Variants in COBL observed in about 807,000 individuals in gnomAD.
COBL encodes protein cordon-bleu.
COBL carries 51 observed loss-of-function variants against 98.8 expected under a neutral mutation model. That is an observed-to-expected ratio of 0.52 (90% CI 0.41 to 0.65). The LOEUF (loss-of-function observed/expected upper bound fraction) is 0.65, where lower values mean the gene tolerates loss of function less well. Among genes scored for constraint, COBL ranks in the 30% least tolerant of loss-of-function variants. The pLI, the probability that COBL is intolerant of heterozygous loss-of-function variation, is 0.00. For synonymous variants in COBL, 634 were observed against 651.7 expected, an observed-to-expected ratio of 0.97 and a Z score of 0.41; for missense variants, 1,617 against 1,617.5, an observed-to-expected ratio of 1.00 and a Z score of 0.01.
intron 4 of COBL, among the ~76,000 whole-genome samples, chr7:51,187,431 A>G (rs1789653525): frequency 6.6e-6 from 1 of 152,006 alleles, no homozygotes; most frequent in South Asian, 2.1e-4. Flanking sequence ...ACTTAAATAG[A>G]TGTTGGAATA....
At chr7:51,081,347 A>G (rs1246507337) in intron 7 of COBL, among the ~76,000 whole-genome samples, 1 of 152,188 alleles carries the variant, frequency 6.6e-6, no homozygotes, top group East Asian at 1.9e-4. Context: ...ACTGGTATGG[A>G]GTTGGCAAGA....
intron 6 of COBL, among the ~76,000 whole-genome samples, chr7:51,113,103 G>T (rs1796981433): frequency 1.3e-5 from 2 of 152,184 alleles, no homozygotes; most frequent in Admixed American, 6.5e-5. Flanking sequence ...GAGAGGTACT[G>T]GTCCCACACA....
At chr7:51,019,110 T>C (rs2128857242) in intron 12 of COBL, among the ~76,000 whole-genome samples, 1 of 151,366 alleles carries the variant, frequency 6.6e-6, no homozygotes, top group Non-Finnish European at 1.5e-5. Flanking sequence ...TAGCCAGATG[T>C]TTCCTGAGGG....
intron 1 of COBL, among the ~76,000 whole-genome samples, chr7:51,286,384 A>G (rs2129182261): frequency 6.6e-6 from 1 of 151,962 alleles, no homozygotes; most frequent in South Asian, 2.1e-4. Flanking sequence ...TCCACATTAT[A>G]TAAAGAAACT....
At chr7:51,048,644 T>A (rs543201804) in intron 7 of COBL, among the ~76,000 whole-genome samples, 77 of 152,246 alleles carry the variant, frequency 5.1e-4, no homozygotes, top group African/African-American at 1.5e-3. Context: ...TTTTTTTTTT[T>A]ATTCATCAAG....
At chr7:51,213,873 T>C (rs1379293670) in intron 2 of COBL, among the ~76,000 whole-genome samples, 1 of 152,068 alleles carries the variant, frequency 6.6e-6, no homozygotes, top group Non-Finnish European at 1.5e-5. Flanking sequence ...TACCAGTCTG[T>C]GAGGGCTCTC....
intron 1 of COBL, among the ~76,000 whole-genome samples, chr7:51,273,345 A>G (rs1224689950): frequency 6.6e-6 from 1 of 151,262 alleles, no homozygotes; most frequent in East Asian, 1.9e-4. Flanking sequence ...AAAAAAAAAA[A>G]AGAAAAAGAA....
At chr7:51,184,244 G>T in intron 4 of COBL, 45 bp from the exon 5 acceptor site, 1 of 1,080,552 alleles carries the variant, frequency 9.3e-7, no homozygotes, top group Non-Finnish European at 1.3e-6. Context: ...TCTGAAACAA[G>T]AGATTCAATA....
chr7:51,146,064 A>G (rs943109031), intron 5 of COBL, among the ~76,000 whole-genome samples: 1 of 152,136 alleles, frequency 6.6e-6, no homozygotes, highest in African/African-American at 2.4e-5. Flanking sequence ...TCAGCCATCA[A>G]TATTTTTACT....
At chr7:51,184,231 G>T in intron 4 of COBL, 32 bp from the exon 5 acceptor site, 1 of 1,255,462 alleles carries the variant, frequency 8.0e-7, no homozygotes, top group Non-Finnish European at 1.1e-6. Flanking sequence ...TTATTTTTCA[G>T]CATCTGAAAC....
chr7:51,278,583 T>C (rs141251594), intron 1 of COBL, among the ~76,000 whole-genome samples: 2,217 of 152,012 alleles, frequency 0.015, 40 homozygotes, highest in African/African-American at 0.05. Flanking sequence ...TTTCACCATG[T>C]TGGCCAGGCT....
At chr7:51,051,319 A>AT (rs1263838793) in intron 7 of COBL, among the ~76,000 whole-genome samples, 1 of 152,214 alleles carries the variant, frequency 6.6e-6, no homozygotes, top group African/African-American at 2.4e-5. Context: ...TGGATTTTTA[A>AT]AATTTTTACC....
chr7:51,233,598 T>C (rs1021638302), intron 1 of COBL, among the ~76,000 whole-genome samples: 143 of 152,312 alleles, frequency 9.4e-4, no homozygotes, highest in African/African-American at 3.3e-3. Context: ...CATTTCTATG[T>C]ACTTTTGTCA....
chr7:51,215,215 GA>G (rs780096343), intron 2 of COBL, among the ~76,000 whole-genome samples: 4 of 152,180 alleles, frequency 2.6e-5, no homozygotes, highest in Non-Finnish European at 5.9e-5. Context: ...CGTTTAGGAA[GA>G]ATGTGTCCAC....
At chr7:51,238,306 A>G (rs1042682053) in intron 1 of COBL, among the ~76,000 whole-genome samples, 1 of 152,208 alleles carries the variant, frequency 6.6e-6, no homozygotes, top group Admixed American at 6.5e-5. Context: ...AAGGATGGCT[A>G]GGCCACTCCG....
At chr7:51,049,781 G>T (rs963894723) in intron 7 of COBL, among the ~76,000 whole-genome samples, 15 of 152,212 alleles carry the variant, frequency 9.9e-5, no homozygotes, top group Non-Finnish European at 1.5e-4. Context: ...AATCCCTAGT[G>T]TCTGTGTGCA....
At chr7:51,018,001 T>A (rs1786452806) in intron 12 of COBL, among the ~76,000 whole-genome samples, 1 of 152,344 alleles carries the variant, frequency 6.6e-6, no homozygotes, top group East Asian at 1.9e-4. Context: ...ATTGGAGACA[T>A]ACCCATAATA....
At chr7:51,216,329 C>T (rs2129083648) in intron 2 of COBL, among the ~76,000 whole-genome samples, 1 of 152,280 alleles carries the variant, frequency 6.6e-6, no homozygotes, top group Non-Finnish European at 1.5e-5. Context: ...TACAGGGAAG[C>T]ACCACCACAC....
rs540863979 is a variant in COBL at position 51,076,490 on chromosome 7, G to A, written c.1096+8676C>T. ...CTGTGCCACAAGTATTTCTAGATTC[G>A]CAATTCGCAGTTCCTCTGCTCGATC... On this transcript the variant is annotated intron_variant, in intron 7 of 12. Coordinates refer to ENST00000265136, the MANE Select transcript of COBL (RefSeq NM_015198.5). Among the ~76,000 whole-genome samples the A allele has an allele frequency of 6.7e-4, 102 of 152,236 alleles. No homozygotes were observed. The South Asian group carries it at 0.02, about 30-fold the overall frequency.
Sources: allele counts gnomAD v4.1 joint callset (sites outside exome capture counted in the v4.1 genomes callset), GRCh38; gene constraint gnomAD v4.1.1; transcripts MANE v1.5; gene names NCBI Gene and HGNC (gene_info 2026-07-23, HGNC 2026-07-21).